CD1B: variants seen among roughly 807,000 people sequenced by gnomAD.
CD1B encodes T-cell surface glycoprotein CD1b.
Under a neutral mutation model 39.8 loss-of-function variants are expected in CD1B, and 43 were observed. That is an observed-to-expected ratio of 1.08 (90% CI 0.85 to 1.39). CD1B has a LOEUF of 1.39. CD1B is among the 40% of genes most tolerant of loss of function. The pLI is 0.00. For synonymous variants in CD1B, 192 were observed against 152.5 expected, an observed-to-expected ratio of 1.26 and a Z score of -1.91; for missense variants, 495 against 403.8, an observed-to-expected ratio of 1.23 and a Z score of -1.94.
chr1:158,310,568 A>G, the CD1B span, among the ~76,000 whole-genome samples: 2 of 152,264 alleles, frequency 1.3e-5, no homozygotes, highest in Non-Finnish European at 1.5e-5. Context: ...AACTATGTGT[A>G]TGACAAAGAT....
the CD1B span, among the ~76,000 whole-genome samples, chr1:158,320,486 C>T: frequency 1.9e-4 from 29 of 152,276 alleles, no homozygotes; most frequent in Admixed American, 1.2e-3. Context: ...TTGCACTTCC[C>T]GAGTGAGGCA....
At chr1:158,290,026 A>G in the CD1B span, 1 of 1,601,856 alleles carries the variant, frequency 6.2e-7, no homozygotes, top group Non-Finnish European at 8.6e-7. Flanking sequence ...AGAGATCAGC[A>G]AACAGCTTTT....
the CD1B span, chr1:158,292,362 C>T: frequency 6.2e-7 from 1 of 1,612,310 alleles, no homozygotes; most frequent in South Asian, 1.1e-5. Flanking sequence ...TGTACACAGG[C>T]AAGGTCAGTA....
At chr1:158,299,944 G>T in the CD1B span, among the ~76,000 whole-genome samples, 2 of 152,056 alleles carry the variant, frequency 1.3e-5, no homozygotes, top group Admixed American at 1.3e-4. Flanking sequence ...CCAGGTCCTG[G>T]ATTCATTGAT....
chr1:158,310,396 G>A, the CD1B span, among the ~76,000 whole-genome samples: 1 of 152,064 alleles, frequency 6.6e-6, no homozygotes, highest in African/African-American at 2.4e-5. Context: ...TTCCATTCTG[G>A]ACATAGGCCC....
the CD1B span, among the ~76,000 whole-genome samples, chr1:158,286,172 T>C: frequency 6.6e-6 from 1 of 152,100 alleles, no homozygotes; most frequent in Non-Finnish European, 1.5e-5. Flanking sequence ...GGAAGAGCAC[T>C]GGGCTCCCTC....
downstream of CD1B, among the ~76,000 whole-genome samples, chr1:158,323,208 C>T (rs542807309): frequency 1.3e-5 from 2 of 151,982 alleles, no homozygotes; most frequent in South Asian, 2.1e-4. Context: ...CCCACTTTGG[C>T]CATATTTCAA....
the CD1B span, among the ~76,000 whole-genome samples, chr1:158,301,576 G>A: frequency 2.6e-4 from 40 of 152,194 alleles, no homozygotes; most frequent in East Asian, 1.5e-3. Context: ...TGAAATTCTC[G>A]GTTGAAAATT....
chr1:158,306,054 A>G, the CD1B span, among the ~76,000 whole-genome samples: 3 of 152,152 alleles, frequency 2.0e-5, no homozygotes, highest in African/African-American at 7.2e-5. Flanking sequence ...TAACATCATA[A>G]TGACAGGATC....
At chr1:158,330,524 C>G in intron 2 of CD1B, 1 of 637,148 alleles carries the variant, frequency 1.6e-6, no homozygotes, top group Non-Finnish European at 2.9e-6. Context: ...AAGTAAGGGC[C>G]CTTGAGGAGA....
In CD1B at chr1:158,331,358, C is replaced by T. The variant is rs370845791; in HGVS notation, c.61+5G>A. The T allele has an allele frequency of 6.8e-5, 110 of 1,612,944 alleles. No homozygotes were observed. Among genetic ancestry groups the T allele is most frequent in the Non-Finnish European group, 9.0e-5 (106 of 1,179,066 alleles). ...AGTGCTGGGAGCTGCCAGAGTGACT[C>T]TTACCATGTTCACTGTTACCACCAG... is the stretch of plus-strand genomic sequence containing the variant. On this transcript the variant is annotated splice_donor_5th_base_variant and intron_variant, in intron 1 of 5. Transcript: ENST00000368168.
At chr1:158,312,924 C>T in the CD1B span, among the ~76,000 whole-genome samples, 2 of 152,062 alleles carry the variant, frequency 1.3e-5, no homozygotes, top group Non-Finnish European at 2.9e-5. Context: ...TTGCTTAGTT[C>T]CAGATTTTAG....
the CD1B span, among the ~76,000 whole-genome samples, chr1:158,287,128 G>C: frequency 6.6e-6 from 1 of 152,168 alleles, no homozygotes; most frequent in Non-Finnish European, 1.5e-5. Context: ...CAGCTGGGTG[G>C]CTTAAACAAC....
chr1:158,326,081 T>G (rs1241964645), downstream of CD1B, among the ~76,000 whole-genome samples: 1 of 152,208 alleles, frequency 6.6e-6, no homozygotes, highest in African/African-American at 2.4e-5. Flanking sequence ...GCCATTCTCC[T>G]GCCTCAGCCT....
At chr1:158,320,196 C>T in the CD1B span, among the ~76,000 whole-genome samples, 2 of 152,238 alleles carry the variant, frequency 1.3e-5, no homozygotes, top group African/African-American at 4.8e-5. Flanking sequence ...CCAGTTCGAG[C>T]TTCCTGGCTG....
downstream of CD1B, chr1:158,327,908 AAAAAG>A (rs1449812975): frequency 9.5e-6 from 2 of 211,544 alleles, no homozygotes; most frequent in African/African-American, 4.6e-5. Context: ...CCAGAAGCAG[AAAAAG>A]AAAAGTTTTA....
At chr1:158,291,188 A>G in the CD1B span, 1 of 1,613,736 alleles carries the variant, frequency 6.2e-7, no homozygotes, top group Non-Finnish European at 8.5e-7. Flanking sequence ...TTTGTCAACC[A>G]ATCCTGGGCA....
chr1:158,311,779 C>A, the CD1B span, among the ~76,000 whole-genome samples: 2 of 152,016 alleles, frequency 1.3e-5, no homozygotes, highest in Admixed American at 6.6e-5. Flanking sequence ...TGTGTCTTGG[C>A]ACTTTTGTTA....
At chr1:158,287,490 T>C in the CD1B span, among the ~76,000 whole-genome samples, 1 of 152,106 alleles carries the variant, frequency 6.6e-6, no homozygotes, top group Non-Finnish European at 1.5e-5. Flanking sequence ...GGATTCAACA[T>C]GTGATTTTTT....
Sources: allele counts gnomAD v4.1 joint callset (sites outside exome capture counted in the v4.1 genomes callset), GRCh38; gene constraint gnomAD v4.1.1; transcripts MANE v1.5; gene names NCBI Gene and HGNC (gene_info 2026-07-23, HGNC 2026-07-21).